The following FHIT variants were observed in gnomAD, a reference collection of about 807,000 sequenced individuals.
FHIT encodes the protein fragile histidine triad diadenosine triphosphatase.
In FHIT, 19 loss-of-function variants were observed where a neutral mutation model predicts 17.9. The observed-to-expected ratio is 1.06, with a 90% CI of 0.74 to 1.56. FHIT has a LOEUF of 1.56. Among genes scored for constraint, FHIT ranks in the 40% most tolerant of loss-of-function variants. FHIT has a pLI of 0.00. For synonymous variants in FHIT, 81 were observed against 69.7 expected (o/e 1.16, Z -0.81); for missense variants, 248 against 189.2 (o/e 1.31, Z -1.82).
intron 5 of FHIT, among the ~76,000 whole-genome samples, chr3:60,291,334 G>T (rs1034917415): frequency 6.6e-6 from 1 of 152,116 alleles, no homozygotes; most frequent in South Asian, 2.1e-4. Flanking sequence ...TTAGGACTAG[G>T]TTTGCCATTT....
At chr3:60,185,194 A>G (rs1702105915) in intron 5 of FHIT, among the ~76,000 whole-genome samples, 1 of 152,176 alleles carries the variant, frequency 6.6e-6, no homozygotes, top group African/African-American at 2.4e-5. Flanking sequence ...GTTTTAGTAA[A>G]TGCAGAATGT....
chr3:60,600,075 C>CTTCCTCACT (rs1303584533), intron 4 of FHIT, among the ~76,000 whole-genome samples: 4 of 152,114 alleles, frequency 2.6e-5, no homozygotes, highest in African/African-American at 9.7e-5. Context: ...GAAGCAGCCA[C>CTTCCTCACT]TTCCTCACTG....
rs12629645 is a variant in FHIT, at chr3:60,161,684, G to A, written c.104-147532C>T. 3.3e-5 allele frequency among the ~76,000 whole-genome samples: 5 copies of A among 150,420 alleles called. No homozygotes were observed. The South Asian group carries it at 8.5e-4, about 25-fold the overall frequency. On this transcript the variant is annotated intron_variant, in intron 5 of 9. Transcript: ENST00000492590. ...ACTCAGGAGGGACCTGCATTTGGGG[G>A]AAAAAAAAACCCAGAACCAACAGAA...
intron 4 of FHIT, among the ~76,000 whole-genome samples, chr3:60,661,538 T>C (rs149278286): frequency 6.6e-6 from 1 of 152,294 alleles, no homozygotes; most frequent in East Asian, 1.9e-4. Context: ...CTTTTTTGTA[T>C]AATAGCTTAT....
intron 4 of FHIT, among the ~76,000 whole-genome samples, chr3:60,638,448 A>C (rs1366714848): frequency 6.6e-6 from 1 of 152,208 alleles, no homozygotes; most frequent in African/African-American, 2.4e-5. Flanking sequence ...TAACTTAACT[A>C]AATGTGGGAT....
At chr3:60,451,370 C>G (rs948241524) in intron 5 of FHIT, among the ~76,000 whole-genome samples, 1 of 152,096 alleles carries the variant, frequency 6.6e-6, no homozygotes, top group Non-Finnish European at 1.5e-5. Context: ...TTCTTTCAGA[C>G]CTTCTTCATT....
rs80173757 is a variant in FHIT, at chr3:60,015,664, G to C, written c.104-1512C>G. 7.9e-5 allele frequency among the ~76,000 whole-genome samples: 12 copies of C among 152,172 alleles called. 1 individual carries two copies. The highest frequency in any genetic ancestry group is 2.9e-4 in the African/African-American group (12 of 41,512). On this transcript the variant is annotated intron_variant, in intron 5 of 9. Transcript: ENST00000492590. ...CTGACTTCACCAAACCACAGCAAGGGTGACAACCATGCAAGCTTCCAACGA... is the reference window on the plus strand; with the variant it reads ...CTGACTTCACCAAACCACAGCAAGGCTGACAACCATGCAAGCTTCCAACGA...
intron 4 of FHIT, among the ~76,000 whole-genome samples, chr3:60,642,324 T>C (rs1221146805): frequency 3.9e-5 from 6 of 152,218 alleles, no homozygotes; most frequent in Non-Finnish European, 8.8e-5. Context: ...CATAAGATCT[T>C]CAAAGCCACA....
intron 5 of FHIT, among the ~76,000 whole-genome samples, chr3:60,295,816 T>C (rs796255117): frequency 1.4e-4 from 22 of 152,212 alleles, no homozygotes; most frequent in African/African-American, 5.3e-4. Context: ...TTCCAACAAA[T>C]GGTGCTAACG....
Position 60,014,004 on chromosome 3 carries a change from C to T in FHIT, c.249+3G>A. On this transcript the variant is annotated splice_donor_region_variant and intron_variant, in intron 6 of 9. Transcript: ENST00000492590. ...ATCATTTCTGAGAAATCTGTACACTCACCTGCATGGAAAAGGTGAGAGAGG... is the reference window on the plus strand; with the variant it reads ...ATCATTTCTGAGAAATCTGTACACTTACCTGCATGGAAAAGGTGAGAGAGG... 6.2e-7 allele frequency: 1 copy of T among 1,613,864 alleles called. No individual in the cohort carries two copies. The highest frequency in any genetic ancestry group is 2.2e-5 in the East Asian group (1 of 44,842).
At chr3:60,282,880 T>C (rs1289426461) in intron 5 of FHIT, among the ~76,000 whole-genome samples, 2 of 152,282 alleles carry the variant, frequency 1.3e-5, no homozygotes, top group African/African-American at 4.8e-5. Context: ...AAGATTCTTA[T>C]GGCTGCTAAG....
At chr3:60,558,611 G>A (rs545266825) in intron 4 of FHIT, among the ~76,000 whole-genome samples, 13 of 151,940 alleles carry the variant, frequency 8.6e-5, no homozygotes, top group South Asian at 2.1e-4. Context: ...CAGGAGCTCC[G>A]ACCTCCAGTC....
intron 5 of FHIT, among the ~76,000 whole-genome samples, chr3:60,399,733 C>CA (rs1701588500): frequency 1.3e-5 from 2 of 152,260 alleles, no homozygotes; most frequent in Admixed American, 1.3e-4. Context: ...ACACCATTTT[C>CA]AACAGCTGTG....
At chr3:60,143,940 G>A (rs150848666) in intron 5 of FHIT, among the ~76,000 whole-genome samples, 7 of 152,278 alleles carry the variant, frequency 4.6e-5, no homozygotes, top group African/African-American at 1.7e-4. Context: ...AGGGAGGCAA[G>A]CAGTAGGTCA....
chr3:60,560,948 A>T (rs2107643491), intron 4 of FHIT, among the ~76,000 whole-genome samples: 1 of 152,006 alleles, frequency 6.6e-6, no homozygotes, highest in East Asian at 2.0e-4. Context: ...CCTTCCTGTG[A>T]AAAGAATAAG....
At chr3:60,261,616 A>G (rs536449530) in intron 5 of FHIT, among the ~76,000 whole-genome samples, 1 of 152,176 alleles carries the variant, frequency 6.6e-6, no homozygotes, top group African/African-American at 2.4e-5. Context: ...TCCTCATAGT[A>G]AATTAAATTG....
At position 60,033,720 on chromosome 3, in the gene FHIT, C is replaced by A. The variant is rs1165261068; in HGVS notation, c.104-19568G>T. Among the ~76,000 whole-genome samples, 8 of 152,144 alleles carry A rather than the reference C, an allele frequency of 5.3e-5. No individual in the cohort carries two copies. In the South Asian group the frequency reaches 1.7e-3, roughly 32 times the overall value. Reference sequence around the variant, plus strand: ...ACATTTGAATCTGGTTGAAGGTAAACAGGCCATCCTTTGTATTGTTTTTGG... The same window carrying A: ...ACATTTGAATCTGGTTGAAGGTAAAAAGGCCATCCTTTGTATTGTTTTTGG... On this transcript the variant is annotated intron_variant, in intron 5 of 9. Transcript: ENST00000492590.
chr3:60,671,165 A>G (rs2107842183), intron 4 of FHIT, among the ~76,000 whole-genome samples: 1 of 152,346 alleles, frequency 6.6e-6, no homozygotes, highest in African/African-American at 2.4e-5. Context: ...CTAGATTGGG[A>G]GAGTGGATTA....
intron 8 of FHIT, among the ~76,000 whole-genome samples, chr3:59,760,001 T>G (rs1392428466): frequency 2.0e-5 from 3 of 152,244 alleles, no homozygotes; most frequent in Non-Finnish European, 2.9e-5. Context: ...GATATCTATG[T>G]GCAAACAAAT....
Sources: allele counts gnomAD v4.1 joint callset (sites outside exome capture counted in the v4.1 genomes callset), GRCh38; gene constraint gnomAD v4.1.1; transcripts MANE v1.5; gene names NCBI Gene and HGNC (gene_info 2026-07-23, HGNC 2026-07-21).